Variants in RARB observed in about 807,000 individuals in gnomAD.
RARB encodes retinoic acid receptor beta, also known as HBV-activated protein.
A neutral mutation model predicts 51.9 loss-of-function variants in RARB; 17 were observed. That is an observed-to-expected ratio of 0.33 (90% CI 0.22 to 0.49). The LOEUF (loss-of-function observed/expected upper bound fraction) is 0.49. RARB is among the 20% of genes least tolerant of loss of function. The probability of loss-of-function intolerance (pLI) is 0.99; values close to 1 mark genes in which losing one functional copy is unlikely to be tolerated. For synonymous variants in RARB, 215 were observed against 195.4 expected, an observed-to-expected ratio of 1.10 and a Z score of -0.84; for missense variants, 369 against 550.8, an observed-to-expected ratio of 0.67 and a Z score of 3.30.
chr3:25,523,035 G>C (rs1698468794), intron 3 of RARB, among the ~76,000 whole-genome samples: 1 of 152,226 alleles, frequency 6.6e-6, no homozygotes. Flanking sequence ...TGACAACTAT[G>C]TGTTTATTGT....
At chr3:25,242,301 T>C (rs997956162) in intron 5 of RARB, among the ~76,000 whole-genome samples, 13 of 152,208 alleles carry the variant, frequency 8.5e-5, no homozygotes, top group African/African-American at 2.9e-4. Flanking sequence ...CAGAAACTCT[T>C]TAGTTTAATT....
chr3:25,461,178 C>G lies in RARB; in HGVS notation c.158-15C>G. 6.4e-7 allele frequency: 1 copy of G among 1,560,784 alleles called. No individual in the cohort carries two copies. The highest frequency in any genetic ancestry group is 2.0e-5 in the Admixed American group (1 of 49,848). On this transcript the variant is annotated splice_polypyrimidine_tract_variant and intron_variant, in intron 1 of 7. Coordinates refer to ENST00000330688, the MANE Select transcript of RARB (RefSeq NM_000965.5). Reference sequence around the variant, plus strand: ...ATTTTCTCTTTTTTCTCCCTCTACCCCATCTCTATTATAGCAATTGAAACA... The same window carrying G: ...ATTTTCTCTTTTTTCTCCCTCTACCGCATCTCTATTATAGCAATTGAAACA...
At chr3:25,049,364 C>G (rs1263581134) in intron 2 of RARB, among the ~76,000 whole-genome samples, 1 of 152,170 alleles carries the variant, frequency 6.6e-6, no homozygotes, top group Non-Finnish European at 1.5e-5. Context: ...CAAAAGTTTG[C>G]CAAGTATCGA....
chr3:25,431,159 G>C (rs1708192224), intron 1 of RARB, among the ~76,000 whole-genome samples: 1 of 151,950 alleles, frequency 6.6e-6, no homozygotes, highest in Non-Finnish European at 1.5e-5. Context: ...TGGCTATTTT[G>C]ACGAGAAGCA....
intron 2 of RARB, among the ~76,000 whole-genome samples, chr3:25,011,537 G>C (rs951047586): frequency 5.9e-5 from 9 of 152,076 alleles, no homozygotes; most frequent in African/African-American, 2.2e-4. Flanking sequence ...CATTTTATCA[G>C]TGAGGAAACT....
At chr3:25,131,063 C>T (rs1699945292) in intron 3 of RARB, among the ~76,000 whole-genome samples, 1 of 150,740 alleles carries the variant, frequency 6.6e-6, no homozygotes, top group African/African-American at 2.5e-5. Context: ...ATTATTATTT[C>T]TTCCAAAACT....
At chr3:24,843,597 A>T (rs1484020687) in intron 1 of RARB, among the ~76,000 whole-genome samples, 1 of 152,118 alleles carries the variant, frequency 6.6e-6, no homozygotes, top group African/African-American at 2.4e-5. Context: ...ACACACCATC[A>T]AACTAATATA....
At chr3:25,578,716 C>T (rs75201484) in intron 4 of RARB, among the ~76,000 whole-genome samples, 6,985 of 152,314 alleles carry the variant, frequency 0.046, 197 homozygotes, top group Non-Finnish European at 0.068. Context: ...CCACAAGGAA[C>T]GTCGTGGAAG....
chr3:25,398,640 C>A (rs1707181561), intron 5 of RARB, among the ~76,000 whole-genome samples: 1 of 152,186 alleles, frequency 6.6e-6, no homozygotes, highest in Non-Finnish European at 1.5e-5. Context: ...AGCCCTGTTT[C>A]TTCTCCCTAT....
intron 5 of RARB, among the ~76,000 whole-genome samples, chr3:25,417,949 A>G (rs1328559118): frequency 6.7e-6 from 1 of 149,642 alleles, no homozygotes; most frequent in Non-Finnish European, 1.5e-5. Context: ...GGTTCTTTCC[A>G]TCTTGTGGCC....
At chr3:25,035,692 G>A (rs951526193) in intron 2 of RARB, among the ~76,000 whole-genome samples, 2 of 152,146 alleles carry the variant, frequency 1.3e-5, no homozygotes, top group African/African-American at 4.8e-5. Flanking sequence ...TTTCAGCTTT[G>A]TGTACCCTAC....
intron 5 of RARB, among the ~76,000 whole-genome samples, chr3:25,250,523 G>A (rs946927584): frequency 6.6e-6 from 1 of 152,172 alleles, no homozygotes; most frequent in African/African-American, 2.4e-5. Context: ...CATGGCACTT[G>A]TAGATGTGTG....
intron 3 of RARB, among the ~76,000 whole-genome samples, chr3:25,105,240 AC>A (rs1699476686): frequency 6.6e-6 from 1 of 152,056 alleles, no homozygotes; most frequent in Non-Finnish European, 1.5e-5. Flanking sequence ...ACACCACTGG[AC>A]TTTTTTCCTC....
At chr3:25,230,694 C>T (rs1024527588) in intron 5 of RARB, among the ~76,000 whole-genome samples, 13 of 151,968 alleles carry the variant, frequency 8.6e-5, no homozygotes, top group Admixed American at 5.9e-4. Flanking sequence ...CTGGGGTTTA[C>T]CTAAGGTCTT....
chr3:25,008,740 C>G (rs1697330051), intron 2 of RARB, among the ~76,000 whole-genome samples: 1 of 152,080 alleles, frequency 6.6e-6, no homozygotes, highest in South Asian at 2.1e-4. Context: ...AGAAACCTTC[C>G]CTATCTCCTC....
chr3:25,075,340 C>G (rs1026305282), intron 3 of RARB, among the ~76,000 whole-genome samples: 5 of 152,148 alleles, frequency 3.3e-5, no homozygotes, highest in Non-Finnish European at 7.4e-5. Flanking sequence ...CTTTAGCCAA[C>G]AAACCAGTTT....
At chr3:24,845,477 C>A (rs1325084160) in intron 1 of RARB, among the ~76,000 whole-genome samples, 1 of 152,040 alleles carries the variant, frequency 6.6e-6, no homozygotes, top group African/African-American at 2.4e-5. Context: ...GCAGATGGGG[C>A]AAGAGAGAGA....
intron 5 of RARB, among the ~76,000 whole-genome samples, chr3:25,277,110 GCTAA>G (rs1466220533): frequency 6.6e-6 from 1 of 152,178 alleles, no homozygotes; most frequent in African/African-American, 2.4e-5. Flanking sequence ...GGAAAAGTTA[GCTAA>G]CTATTTATCC....
At position 25,536,016 on chromosome 3, in the gene RARB, A is replaced by T. The variant is rs543099496; in HGVS notation, c.449-33742A>T. 5.3e-5 allele frequency among the ~76,000 whole-genome samples: 8 copies of T among 152,304 alleles called. No homozygotes were observed. In the South Asian group the frequency reaches 1.2e-3, roughly 24 times the overall value. ...CCAGATACAGAGAAAGCTATTAGCGAAGGTGAGGAGGACATAAAGATGACA... is the reference window on the plus strand; with the variant it reads ...CCAGATACAGAGAAAGCTATTAGCGTAGGTGAGGAGGACATAAAGATGACA... On this transcript the variant is annotated intron_variant, in intron 3 of 7. Coordinates refer to ENST00000330688, the MANE Select transcript of RARB (RefSeq NM_000965.5).
Sources: gnomAD v4.1 joint callset for allele counts (sites outside exome capture counted in the v4.1 genomes callset) on GRCh38, gnomAD v4.1.1 for gene constraint, MANE v1.5 for transcripts, NCBI Gene and HGNC (gene_info 2026-07-23, HGNC 2026-07-21) for gene names.